The following FRS2 variants were observed in gnomAD, a reference collection of about 807,000 sequenced individuals.
FRS2 encodes the protein FGFR signalling adaptor.
Under a neutral mutation model 43.9 loss-of-function variants are expected in FRS2, and 8 were observed. The ratio of observed to expected loss-of-function variants is 0.18; its 90% confidence interval spans 0.11 to 0.33. The LOEUF (loss-of-function observed/expected upper bound fraction) is 0.33, where lower values mean the gene tolerates loss of function less well. Among genes scored for constraint, FRS2 ranks in the 10% least tolerant of loss-of-function variants. The pLI is 1.00. For synonymous variants in FRS2, 219 were observed against 220.3 expected (o/e 0.99, Z 0.05); for missense variants, 534 against 627.6 (o/e 0.85, Z 1.59).
chr12:69,530,552 A>G (rs1199722694), intron 1 of FRS2, among the ~76,000 whole-genome samples: 1 of 152,118 alleles, frequency 6.6e-6, no homozygotes, highest in Non-Finnish European at 1.5e-5. Flanking sequence ...TAGCCTGGGC[A>G]ATGTAGTGAG....
chr12:69,536,937 C>T (rs1449685966), intron 3 of FRS2, among the ~76,000 whole-genome samples: 1 of 152,080 alleles, frequency 6.6e-6, no homozygotes, highest in African/African-American at 2.4e-5. Context: ...CTCATTCTTG[C>T]CAGTCTTTTG....
At chr12:69,551,149 C>G (rs528449537) in intron 3 of FRS2, among the ~76,000 whole-genome samples, 1 of 152,238 alleles carries the variant, frequency 6.6e-6, no homozygotes, top group East Asian at 1.9e-4. Flanking sequence ...GCCGGGAGTT[C>G]TAGACCCCTT....
At chr12:69,557,144 TC>T (rs1879426013) in intron 3 of FRS2, among the ~76,000 whole-genome samples, 2 of 152,220 alleles carry the variant, frequency 1.3e-5, no homozygotes, top group Admixed American at 1.3e-4. Flanking sequence ...ATGCTAGAGT[TC>T]TGTCCCTGCT....
chr12:69,544,578 G>A (rs1037685107), intron 3 of FRS2, among the ~76,000 whole-genome samples: 21 of 151,860 alleles, frequency 1.4e-4, no homozygotes, highest in African/African-American at 3.9e-4. Context: ...ATAGTGGTGC[G>A]CACCTGTAAT....
At chr12:69,518,456 C>T (rs1875283802) in intron 1 of FRS2, among the ~76,000 whole-genome samples, 1 of 152,010 alleles carries the variant, frequency 6.6e-6, no homozygotes, top group Admixed American at 6.6e-5. Flanking sequence ...GCCTGTAATC[C>T]TAGCACTTTG....
chr12:69,550,313 G>A (rs1343634269), intron 3 of FRS2, among the ~76,000 whole-genome samples: 2 of 151,992 alleles, frequency 1.3e-5, no homozygotes, highest in East Asian at 1.9e-4. Flanking sequence ...CATCTTCATT[G>A]TTTAGTAACT....
intron 3 of FRS2, among the ~76,000 whole-genome samples, chr12:69,546,153 A>T (rs1878386306): frequency 6.6e-6 from 1 of 152,208 alleles, no homozygotes; most frequent in Non-Finnish European, 1.5e-5. Flanking sequence ...ACCAAAGAAG[A>T]TATACAAAGG....
intron 3 of FRS2, among the ~76,000 whole-genome samples, chr12:69,533,591 C>T (rs544500968): frequency 8.5e-5 from 13 of 152,234 alleles, no homozygotes; most frequent in South Asian, 2.1e-4. Context: ...TCAGGTGATC[C>T]GCCTGCCTTG....
intron 1 of FRS2, among the ~76,000 whole-genome samples, chr12:69,521,982 G>A (rs1156677571): frequency 6.6e-6 from 1 of 152,146 alleles, no homozygotes; most frequent in African/African-American, 2.4e-5. Context: ...CTATTGAATT[G>A]ATCATGTGGT....
In FRS2 at chr12:69,574,965, G is replaced by C; in HGVS notation, c.*10G>C. ...TGATCTGCCCATGTGAGCCTGGAAA[G>C]CATTGTGTTGTTTGCACCTTTGTGA... On this transcript the variant is annotated 3_prime_UTR_variant, in exon 9 of 9. Transcript: ENST00000549921. The C allele has an allele frequency of 6.5e-7, 1 of 1,545,668 alleles. No homozygotes were observed. Among genetic ancestry groups the C allele is most frequent in the Non-Finnish European group, 8.9e-7 (1 of 1,121,088 alleles).
chr12:69,493,780 A>G (rs1489226591), intron 1 of FRS2, among the ~76,000 whole-genome samples: 1 of 152,224 alleles, frequency 6.6e-6, no homozygotes, highest in Non-Finnish European at 1.5e-5. Context: ...GGCAAATGAT[A>G]GCACTTGTCA....
chr12:69,572,152 A>G lies in FRS2; in HGVS notation c.447A>G (p.Gly149=). The G allele has an allele frequency of 6.2e-7, 1 of 1,613,736 alleles. No individual in the cohort carries two copies. The highest frequency in any genetic ancestry group is 1.1e-5 in the South Asian group (1 of 91,070). The part of the protein sequence containing the change: ...PGFAAQNLPN[G]YPRYPSFGDA... The stretch of plus-strand genomic sequence containing the variant: ...TTGCTGCTCAGAACTTACCTAATGG[A>G]TATCCCCGATATCCCTCATTTGGAG... Residue 149 remains glycine, a synonymous_variant, in exon 8 of 9, where the codon GGA becomes GGG. Transcript: ENST00000549921.
chr12:69,541,774 G>A (rs1359368722), intron 3 of FRS2, among the ~76,000 whole-genome samples: 2 of 145,590 alleles, frequency 1.4e-5, no homozygotes, highest in African/African-American at 5.1e-5. Context: ...GCAGTGAGCC[G>A]AGATTGCACC....
At chr12:69,513,148 TTTG>T (rs1345088547) in intron 1 of FRS2, among the ~76,000 whole-genome samples, 2 of 79,148 alleles carry the variant, frequency 2.5e-5, no homozygotes, top group South Asian at 8.4e-4. Context: ...AAGTTTGGAG[TTTG>T]TTTTTTTTTT....
chr12:69,553,194 C>T (rs1438644833), intron 3 of FRS2, among the ~76,000 whole-genome samples: 1 of 152,064 alleles, frequency 6.6e-6, no homozygotes, highest in Non-Finnish European at 1.5e-5. Context: ...GCCTCAGCCT[C>T]CCGAGTAGTT....
At chr12:69,471,909 A>G (rs1395567519) in intron 1 of FRS2, among the ~76,000 whole-genome samples, 1 of 152,170 alleles carries the variant, frequency 6.6e-6, no homozygotes. Flanking sequence ...GGGAGGTGGT[A>G]TCATGAATCA....
chr12:69,555,307 A>G (rs1018260655), intron 3 of FRS2, among the ~76,000 whole-genome samples: 3 of 152,188 alleles, frequency 2.0e-5, no homozygotes, highest in African/African-American at 7.2e-5. Flanking sequence ...CAGCCTCCCA[A>G]AGTGCTGGAT....
At chr12:69,539,117 C>T (rs961199137) in intron 3 of FRS2, among the ~76,000 whole-genome samples, 1 of 152,164 alleles carries the variant, frequency 6.6e-6, no homozygotes, top group African/African-American at 2.4e-5. Flanking sequence ...CTCTGTTGCC[C>T]AGGCTGGAGT....
At chr12:69,502,889 T>G (rs775277016) in intron 1 of FRS2, among the ~76,000 whole-genome samples, 12 of 152,300 alleles carry the variant, frequency 7.9e-5, no homozygotes, top group South Asian at 2.1e-4. Flanking sequence ...AGCATCAGCA[T>G]CAGCAGCAGC....
Sources: gnomAD v4.1 joint callset for allele counts (sites outside exome capture counted in the v4.1 genomes callset) on GRCh38, gnomAD v4.1.1 for gene constraint, MANE v1.5 for transcripts, NCBI Gene and HGNC (gene_info 2026-07-23, HGNC 2026-07-21) for gene names.